SMARCB1: variants seen among roughly 807,000 people sequenced by gnomAD.
SMARCB1 encodes the protein SWI/SNF related BAF chromatin remodeling complex subunit B1.
A neutral mutation model predicts 49.0 loss-of-function variants in SMARCB1; 5 were observed. The ratio of observed to expected loss-of-function variants is 0.10; its 90% CI spans 0.05 to 0.21. The LOEUF is 0.21. Among genes scored for constraint, SMARCB1 ranks in the 10% least tolerant of loss-of-function variants. The probability of loss-of-function intolerance (pLI) is 1.00; values close to 1 mark genes in which losing one functional copy is unlikely to be tolerated. For missense variants in SMARCB1, 226 were observed against 509.2 expected, an observed-to-expected ratio of 0.44 and a Z score of 5.35; for synonymous variants, 201 against 200.1, an observed-to-expected ratio of 1.00 and a Z score of -0.04.
chr22:23,801,389 C>T, intron 4 of SMARCB1: 2 of 664,846 alleles, frequency 3.0e-6, no homozygotes, highest in South Asian at 3.0e-5. Flanking sequence ...TGGGCCACAG[C>T]CAGTCTGATG....
At chr22:23,796,731 C>T (rs1568939066) in intron 3 of SMARCB1, among the ~76,000 whole-genome samples, 1 of 152,102 alleles carries the variant, frequency 6.6e-6, no homozygotes, top group African/African-American at 2.4e-5. Flanking sequence ...AGCTGGGAAT[C>T]TTTTATGGGG....
intron 3 of SMARCB1, among the ~76,000 whole-genome samples, chr22:23,795,185 A>G (rs911330419): frequency 3.3e-5 from 5 of 151,752 alleles, no homozygotes; most frequent in African/African-American, 1.2e-4. Flanking sequence ...CACTTTGGGA[A>G]GTCAAGGCAG....
chr22:23,797,245 G>A (rs1453674024), intron 3 of SMARCB1, among the ~76,000 whole-genome samples: 17 of 148,748 alleles, frequency 1.1e-4, no homozygotes, highest in African/African-American at 3.2e-4. Context: ...TGATCCGCCC[G>A]CCTCGGCCTC....
intron 3 of SMARCB1, among the ~76,000 whole-genome samples, chr22:23,798,413 A>G (rs1419318837): frequency 6.6e-6 from 1 of 152,144 alleles, no homozygotes; most frequent in Non-Finnish European, 1.5e-5. Flanking sequence ...TAAAAATAAA[A>G]AAATTTAAAA....
In SMARCB1 at chr22:23,825,418, A is replaced by G. The variant is rs1601433601; in HGVS notation, c.986+3A>G. 1.2e-6 allele frequency: 2 copies of G among 1,612,956 alleles called. No individual in the cohort carries two copies. Among genetic ancestry groups the G allele is most frequent in the Admixed American group, 1.7e-5 (1 of 59,986 alleles). ...CATCAGAAGACCTACGCCTTCAGGT[A>G]GGATCATGCATGAGTCTCTCCCTCC... On this transcript the variant is annotated splice_donor_region_variant and intron_variant, in intron 7 of 8. Coordinates refer to ENST00000644036, the MANE Select transcript of SMARCB1 (RefSeq NM_003073.5).
Position 23,816,794 on chromosome 22 carries a change from T to G in SMARCB1, c.653T>G (p.Phe218Cys), listed in dbSNP as rs779524927. 1 of 1,614,066 alleles carries G rather than the reference T, an allele frequency of 6.2e-7. No homozygotes were observed. The highest frequency in any genetic ancestry group is 1.1e-5 in the South Asian group (1 of 91,088). ...GAGAAGTTGATGACGCCTGAGATGTTTTCAGAAATCCTCTGTGACGATCTG... is the reference window on the plus strand; with the variant it reads ...GAGAAGTTGATGACGCCTGAGATGTGTTCAGAAATCCTCTGTGACGATCTG... The part of the protein sequence containing the change: ...MNEKLMTPEM[F>C]SEILCDDLDL... The change falls in exon 6 of 9, where the codon TTT becomes TGT. Residue 218 changes from phenylalanine (F) to cysteine (C), a missense_variant. This residue lies in a region of SMARCB1 where 128 missense variants were observed against 263.9 expected (regional missense o/e 0.49). Transcript: ENST00000644036.
chr22:23,837,668 C>T lies in SMARCB1; in HGVS notation c.*3488C>T. ...GTACCGGGAGGCTCACCCAGCAGGT[C>T]CACGAGGATGGAGTTGCCCAGCAGC... On this transcript the variant is annotated 3_prime_UTR_variant, in exon 9 of 9. Coordinates refer to ENST00000644036, the MANE Select transcript of SMARCB1 (RefSeq NM_003073.5). The T allele has an allele frequency of 6.2e-7, 1 of 1,612,914 alleles. No individual in the cohort carries two copies. Among genetic ancestry groups the T allele is most frequent in the Non-Finnish European group, 8.5e-7 (1 of 1,179,364 alleles).
Position 23,835,068 on chromosome 22 carries a change from G to A in SMARCB1, c.*888G>A. The A allele has an allele frequency of 2.9e-6, 4 of 1,397,512 alleles. No individual in the cohort carries two copies. Among genetic ancestry groups the A allele is most frequent in the Non-Finnish European group, 3.7e-6 (4 of 1,078,850 alleles). The allele number at this position is 1,397,512 out of a possible 1,614,324, so 86.6% of individuals were successfully genotyped here. On this transcript the variant is annotated 3_prime_UTR_variant, in exon 9 of 9. Transcript: ENST00000644036. ...CCCACCCCAGCAGGTGCTGTGGCCTGGGCCAGCTCCTGCCTTACAAGCCAG... is the reference window on the plus strand; with the variant it reads ...CCCACCCCAGCAGGTGCTGTGGCCTAGGCCAGCTCCTGCCTTACAAGCCAG...
chr22:23,794,496 A>G (rs1601392496), intron 3 of SMARCB1, among the ~76,000 whole-genome samples: 1 of 152,118 alleles, frequency 6.6e-6, no homozygotes, highest in Non-Finnish European at 1.5e-5. Flanking sequence ...GGGGCAACAC[A>G]GCAAGACCTC....
chr22:23,799,613 A>G (rs1177674650), intron 3 of SMARCB1, among the ~76,000 whole-genome samples: 3 of 148,804 alleles, frequency 2.0e-5, no homozygotes, highest in Admixed American at 6.7e-5. Context: ...CCTGGGTTCA[A>G]GTGATTCTCC....
intron 7 of SMARCB1, among the ~76,000 whole-genome samples, chr22:23,832,555 G>T (rs1434483789): frequency 6.6e-6 from 1 of 152,206 alleles, no homozygotes; most frequent in Non-Finnish European, 1.5e-5. Flanking sequence ...GAGGGGAGGG[G>T]AAGTGGGAGA....
In SMARCB1 at chr22:23,837,087, C is replaced by T. The variant is rs776575410; in HGVS notation, c.*2907C>T. ...ACAGGAAGCCAGGGGTCTGCAGGAG[C>T]CTCTTGCCTCCAGGCTGGTTGGGGA... On this transcript the variant is annotated 3_prime_UTR_variant, in exon 9 of 9. Transcript: ENST00000644036. The T allele has an allele frequency of 2.5e-6, 4 of 1,613,970 alleles. No homozygotes were observed. Among genetic ancestry groups the T allele is most frequent in the Non-Finnish European group, 1.7e-6 (2 of 1,179,910 alleles).
chr22:23,816,580 G>T, intron 5 of SMARCB1, 190 bp from the exon 6 acceptor site: 2 of 672,120 alleles, frequency 3.0e-6, no homozygotes, highest in East Asian at 2.6e-5. Context: ...TGCAGGATGA[G>T]GGCTGGGGGC....
Position 23,836,094 on chromosome 22 carries a change from A to T in SMARCB1, c.*1914A>T. ...GAGAAAAATGAGCCACAGGGGTCGG[A>T]TAAGGCTCACACACGTCCTCAGCTA... On this transcript the variant is annotated 3_prime_UTR_variant, in exon 9 of 9. Transcript: ENST00000644036. 1.0e-6 allele frequency: 1 copy of T among 985,500 alleles called. No homozygotes were observed. Among genetic ancestry groups the T allele is most frequent in the Non-Finnish European group, 1.2e-6 (1 of 829,966 alleles). The allele number at this position is 985,500 out of a possible 1,614,324, so 61.0% of individuals were successfully genotyped here. A position where few individuals can be genotyped will look rare whatever the true frequency, so the allele number is the denominator to read the frequency against.
At chr22:23,805,136 G>A (rs5751740) in intron 5 of SMARCB1, among the ~76,000 whole-genome samples, 140,738 of 152,250 alleles carry the variant, frequency 0.92, 65,221 homozygotes, top group Middle Eastern at 0.97. Context: ...GCCTGAGTCC[G>A]AAGGCCTCTG....
chr22:23,837,554 TGAG>T lies in SMARCB1; in HGVS notation c.*3378_*3380del, dbSNP rs916471327. On this transcript the variant is annotated 3_prime_UTR_variant, in exon 9 of 9. Coordinates refer to ENST00000644036, the MANE Select transcript of SMARCB1 (RefSeq NM_003073.5). ...AGGAAGATGGGGATGGAGCCAGGTG[TGAG>T]GAGAACTCCAGCAAGGATGGGAGAG... is the stretch of plus-strand genomic sequence containing the variant. 31 of 1,196,108 alleles carry T rather than the reference TGAG, an allele frequency of 2.6e-5. No individual in the cohort carries two copies. Among genetic ancestry groups the T allele is most frequent in the East Asian group, 1.8e-4 (7 of 39,354 alleles). 74.1% of individuals were successfully genotyped at this position (1,196,108 alleles called of 1,614,324 possible).
chr22:23,837,653 G>C lies in SMARCB1; in HGVS notation c.*3473G>C, dbSNP rs2031191786. On this transcript the variant is annotated 3_prime_UTR_variant, in exon 9 of 9. Coordinates refer to ENST00000644036, the MANE Select transcript of SMARCB1 (RefSeq NM_003073.5). ...TGGGGCGGACTAGATGTACCGGGAG[G>C]CTCACCCAGCAGGTCCACGAGGATG... The C allele has an allele frequency of 2.5e-6, 4 of 1,610,952 alleles. No individual in the cohort carries two copies. Among genetic ancestry groups the C allele is most frequent in the Non-Finnish European group, 3.4e-6 (4 of 1,178,018 alleles).
intron 1 of SMARCB1, among the ~76,000 whole-genome samples, chr22:23,790,709 G>GAGCCGAGATTGC (rs1928326812): frequency 6.6e-6 from 1 of 152,082 alleles, no homozygotes; most frequent in African/African-American, 2.4e-5. Context: ...CGGTTGTGGT[G>GAGCCGAGATTGC]GCAAGCAACT....
intron 3 of SMARCB1, among the ~76,000 whole-genome samples, chr22:23,798,847 G>C (rs574748925): frequency 1.3e-5 from 2 of 151,994 alleles, no homozygotes; most frequent in East Asian, 1.9e-4. Flanking sequence ...TCAGGAGATC[G>C]AGACCATCCT....
Sources: allele counts gnomAD v4.1 joint callset (sites outside exome capture counted in the v4.1 genomes callset), GRCh38; gene constraint gnomAD v4.1.1; regional missense constraint gnomAD v4.1.1; transcripts MANE v1.5; gene names NCBI Gene and HGNC (gene_info 2026-07-23, HGNC 2026-07-21).